The following TSPAN1 variants were observed in gnomAD, a reference collection of about 807,000 sequenced individuals.
TSPAN1 encodes the protein tetraspanin 1, also known as tetraspanin-1.
A neutral mutation model predicts 26.9 loss-of-function variants in TSPAN1; 23 were observed. The observed-to-expected ratio is 0.85, with a 90% CI of 0.62 to 1.21. The LOEUF (loss-of-function observed/expected upper bound fraction) is 1.21, where lower values mean the gene tolerates loss of function less well. TSPAN1 is among the 50% of genes most tolerant of loss of function. The pLI is 0.00. For synonymous variants in TSPAN1, 115 were observed against 114.8 expected (o/e 1.00, Z -0.01); for missense variants, 283 against 298.4 (o/e 0.95, Z 0.38).
intron 3 of TSPAN1, among the ~76,000 whole-genome samples, chr1:46,182,654 G>C (rs1657339745): frequency 6.6e-6 from 1 of 152,174 alleles, no homozygotes; most frequent in Non-Finnish European, 1.5e-5. Context: ...AGGTTGCAGT[G>C]AGCCAAGATC....
chr1:46,185,509 G>C lies in TSPAN1; in HGVS notation c.702G>C (p.Met234Ile), dbSNP rs376073263. ...AGCTGGCTGCCATGATTGTGTCCAT[G>C]TATCTGTACTGCAATCTACAATAAG... ...GLELAAMIVS[M>I]YLYCNLQ Residue 234 changes from methionine (M) to isoleucine (I), a missense_variant, in exon 9 of 9, where the codon ATG becomes ATC. Met to Ile is a conservative substitution (Grantham distance 10, BLOSUM62 1). Coordinates refer to ENST00000372003, the MANE Select transcript of TSPAN1 (RefSeq NM_005727.4). The C allele has an allele frequency of 1.2e-5, 20 of 1,614,206 alleles. No homozygotes were observed. The highest frequency in any genetic ancestry group is 1.4e-5 in the Non-Finnish European group (17 of 1,180,038).
the TSPAN1 span, chr1:46,191,083 T>C: frequency 1.3e-5 from 5 of 386,680 alleles, no homozygotes; most frequent in South Asian, 1.1e-4. Flanking sequence ...CCTGCTGTTC[T>C]AGAGCCACAG....
the TSPAN1 span, chr1:46,192,496 A>C: frequency 1.9e-6 from 3 of 1,613,994 alleles, no homozygotes; most frequent in African/African-American, 4.0e-5. Context: ...TCGCCTGCTA[A>C]ACCCTGGTCA....
chr1:46,185,545 C>G lies in TSPAN1; in HGVS notation c.*12C>G, dbSNP rs774960760. The stretch of plus-strand genomic sequence containing the variant: ...GCAATCTACAATAAGTCCACTTCTG[C>G]CTCTGCCACTACTGCTGCCACATGG... On this transcript the variant is annotated 3_prime_UTR_variant, in exon 9 of 9. Transcript: ENST00000372003. 1 of 1,614,048 alleles carries G rather than the reference C, an allele frequency of 6.2e-7. No homozygotes were observed. The highest frequency in any genetic ancestry group is 1.1e-5 in the South Asian group (1 of 91,066).
chr1:46,190,407 T>G, downstream of TSPAN1: 3 of 1,518,600 alleles, frequency 2.0e-6, no homozygotes, highest in Non-Finnish European at 2.7e-6. Context: ...CTGTAAATTA[T>G]GGGGCCAAGA....
At chr1:46,176,467 C>T (rs991865302) in intron 1 of TSPAN1, 7 of 1,535,530 alleles carry the variant, frequency 4.6e-6, no homozygotes, top group South Asian at 1.2e-5. Flanking sequence ...CCGAGATGGC[C>T]CCATGGGCAC....
chr1:46,188,826 C>T (rs1657514936), downstream of TSPAN1: 2 of 1,612,812 alleles, frequency 1.2e-6, no homozygotes, highest in African/African-American at 1.3e-5. Context: ...CCAGCTGGGC[C>T]TGTCCATGGG....
downstream of TSPAN1, chr1:46,188,543 C>T (rs1298262388): frequency 1.7e-6 from 2 of 1,161,126 alleles, no homozygotes; most frequent in South Asian, 1.8e-5. Flanking sequence ...CTCAGGCATC[C>T]CCTGGTGGCC....
chr1:46,196,220 C>T, the TSPAN1 span: 41 of 1,502,950 alleles, frequency 2.7e-5, no homozygotes, highest in African/African-American at 2.6e-4. This position sits in a 1 kb window ranked among gnomAD's most constrained non-coding sequence, Gnocchi z 4.4. Flanking sequence ...CAACTCAGCT[C>T]GAAGGCCACC....
Position 46,184,677 on chromosome 1 carries a change from C to T in TSPAN1, c.339+9C>T. ...TGGTGTACACCACAATGGTGAGACA[C>T]TGGGATGGAGGAAGGGAAGAAGATT... On this transcript the variant is annotated intron_variant, in intron 5 of 8. Transcript: ENST00000372003. 1 of 1,614,150 alleles carries T rather than the reference C, an allele frequency of 6.2e-7. No homozygotes were observed. Among genetic ancestry groups the T allele is most frequent in the Non-Finnish European group, 8.5e-7 (1 of 1,180,008 alleles).
At chr1:46,175,795 G>T in intron 1 of TSPAN1, 1 of 421,778 alleles carries the variant, frequency 2.4e-6, no homozygotes, top group Middle Eastern at 6.0e-4. Context: ...CCCCATATAT[G>T]TAGGGGTGCT....
At chr1:46,184,464 G>A (rs2148146679) in intron 4 of TSPAN1, 67 bp downstream of exon 4, 2 of 1,611,014 alleles carry the variant, frequency 1.2e-6, no homozygotes, top group Non-Finnish European at 8.5e-7. Flanking sequence ...CAGGCCCTGG[G>A]ATTCCCAAAC....
downstream of TSPAN1, among the ~76,000 whole-genome samples, chr1:46,186,425 A>C (rs1335979514): frequency 1.4e-5 from 2 of 145,492 alleles, no homozygotes; most frequent in Non-Finnish European, 3.0e-5. Context: ...CAAGCACTTC[A>C]TTTTTTCGTT....
chr1:46,176,167 AC>A, intron 1 of TSPAN1: 1 of 1,524,814 alleles, frequency 6.6e-7, no homozygotes, highest in Non-Finnish European at 8.8e-7. Context: ...GAGCCACCGC[AC>A]CCAGCCTAGT....
rs1283807177 is a variant in TSPAN1 at position 46,176,509 on chromosome 1, T to C, written c.-142+1100T>C. On this transcript the variant is annotated intron_variant, in intron 1 of 8. Transcript: ENST00000372003. Reference sequence around the variant, plus strand: ...CTTCTGCAGTGTGCCTGGGGGGTGCTGTTGGCCAGGGTAGCTGAGGCCTCT... The same window carrying C: ...CTTCTGCAGTGTGCCTGGGGGGTGCCGTTGGCCAGGGTAGCTGAGGCCTCT... The C allele has an allele frequency of 4.6e-6, 7 of 1,532,844 alleles. No homozygotes were observed. In the East Asian group the frequency reaches 1.7e-4, roughly 38 times the overall value. 95.0% of individuals were successfully genotyped at this position (1,532,844 alleles called of 1,614,324 possible). A position where few individuals can be genotyped will look rare whatever the true frequency, so the allele number is the denominator to read the frequency against.
chr1:46,196,332 T>C, the TSPAN1 span, among the ~76,000 whole-genome samples: 1 of 152,226 alleles, frequency 6.6e-6, no homozygotes, highest in Non-Finnish European at 1.5e-5. The surrounding 1 kb of genome is among the most constrained non-coding windows in gnomAD (Gnocchi z 4.4). Flanking sequence ...CTGCTGTCTC[T>C]GCTTCATCCT....
downstream of TSPAN1, chr1:46,190,332 C>T (rs1279301597): frequency 4.3e-6 from 5 of 1,163,816 alleles, no homozygotes; most frequent in East Asian, 4.8e-5. Context: ...GCGTGAGCCA[C>T]CGCGCCCGGC....
the TSPAN1 span, among the ~76,000 whole-genome samples, chr1:46,195,186 C>A: frequency 6.6e-6 from 1 of 152,160 alleles, no homozygotes; most frequent in Non-Finnish European, 1.5e-5. Context: ...ACGATCTGCA[C>A]CTCTCTCTCC....
intron 8 of TSPAN1, 42 bp downstream of exon 8, chr1:46,185,350 AC>A: frequency 6.2e-7 from 1 of 1,612,294 alleles, no homozygotes; most frequent in African/African-American, 1.3e-5. Flanking sequence ...TGGGCATGAG[AC>A]CAGGGCTGCT....
Sources: gnomAD v4.1 joint callset for allele counts (sites outside exome capture counted in the v4.1 genomes callset) on GRCh38, gnomAD v4.1.1 for gene constraint, Gnocchi (gnomAD v3.1) non-coding constraint, MANE v1.5 for transcripts, NCBI Gene and HGNC (gene_info 2026-07-23, HGNC 2026-07-21) for gene names.